The following TSC22D1 variants were observed in gnomAD, a reference collection of about 807,000 sequenced individuals.
TSC22D1 encodes TSC22 domain family member 1.
Under a neutral mutation model 74.2 loss-of-function variants are expected in TSC22D1, and 9 were observed. That is an observed-to-expected ratio of 0.12 (90% CI 0.07 to 0.21). The LOEUF (loss-of-function observed/expected upper bound fraction) is 0.21. Among genes scored for constraint, TSC22D1 ranks in the 10% least tolerant of loss-of-function variants. The pLI is 1.00. For missense variants in TSC22D1, 1,427 were observed against 1,304.7 expected, an observed-to-expected ratio of 1.09 and a Z score of -1.44; for synonymous variants, 586 against 492.5, an observed-to-expected ratio of 1.19 and a Z score of -2.51.
intron 1 of TSC22D1, among the ~76,000 whole-genome samples, chr13:44,494,839 G>A (rs1366800857): frequency 6.6e-6 from 1 of 152,110 alleles, no homozygotes; most frequent in East Asian, 1.9e-4. Flanking sequence ...GAGCTTAAAG[G>A]AAACATGGAC....
chr13:44,540,971 C>T (rs538861209), intron 1 of TSC22D1, among the ~76,000 whole-genome samples: 24 of 152,266 alleles, frequency 1.6e-4, no homozygotes, highest in African/African-American at 5.5e-4. Context: ...CCTTGTTCTA[C>T]GGAGTACAGT....
At position 44,479,442 on chromosome 13, in the gene TSC22D1, C is replaced by T. The variant is rs190953391; in HGVS notation, c.2913-43347G>A. Among the ~76,000 whole-genome samples the T allele has an allele frequency of 1.6e-4, 25 of 151,962 alleles. No individual in the cohort carries two copies. The East Asian group carries it at 4.3e-3, about 26-fold the overall frequency. Reference sequence around the variant, plus strand: ...GAAACCAAAAGATTGGACACCCCTACTCTAAACAGTTCAAAAAGCTCTCAT... The same window carrying T: ...GAAACCAAAAGATTGGACACCCCTATTCTAAACAGTTCAAAAAGCTCTCAT... On this transcript the variant is annotated intron_variant, in intron 1 of 2. Transcript: ENST00000458659.
chr13:44,491,368 A>G (rs1217825934), intron 1 of TSC22D1, among the ~76,000 whole-genome samples: 1 of 152,130 alleles, frequency 6.6e-6, no homozygotes. Context: ...CCTGGCTAAC[A>G]TGGTGAAACC....
At chr13:44,541,306 A>C (rs1881453793) in intron 1 of TSC22D1, among the ~76,000 whole-genome samples, 1 of 152,242 alleles carries the variant, frequency 6.6e-6, no homozygotes, top group African/African-American at 2.4e-5. Context: ...AAGTAATTTT[A>C]AAAGCTTAAA....
intron 1 of TSC22D1, among the ~76,000 whole-genome samples, chr13:44,478,013 T>G (rs1878003697): frequency 6.6e-6 from 1 of 152,054 alleles, no homozygotes; most frequent in Non-Finnish European, 1.5e-5. Flanking sequence ...GTATTAACAC[T>G]ATTTTAAAGT....
At chr13:44,512,687 T>G (rs962086888) in intron 1 of TSC22D1, among the ~76,000 whole-genome samples, 8 of 152,112 alleles carry the variant, frequency 5.3e-5, no homozygotes, top group African/African-American at 1.9e-4. Flanking sequence ...AGATGGAGTC[T>G]TGCTCTGTCA....
rs75820603 is a variant in TSC22D1 at position 44,541,227 on chromosome 13, C to A, written c.2912+31936G>T. Among the ~76,000 whole-genome samples, 557 of 152,280 alleles carry A rather than the reference C, an allele frequency of 3.7e-3. 2 individuals carry two copies. The highest frequency in any genetic ancestry group is 0.013 in the African/African-American group (545 of 41,556). On this transcript the variant is annotated intron_variant, in intron 1 of 2. Transcript: ENST00000458659. ...TGCCTTCACTTCCTCCTGGCTCTGC[C>A]AGCCAGTTTGGAAATGTACCAAAAG...
chr13:44,548,251 G>A (rs1299649213), intron 1 of TSC22D1, among the ~76,000 whole-genome samples: 6 of 152,112 alleles, frequency 3.9e-5, no homozygotes, highest in Admixed American at 6.5e-5. Flanking sequence ...GCGCGGTGGC[G>A]CATGCCTGTA....
intron 1 of TSC22D1, among the ~76,000 whole-genome samples, chr13:44,570,239 G>A (rs1883667735): frequency 6.7e-6 from 1 of 149,506 alleles, no homozygotes; most frequent in South Asian, 2.1e-4. Flanking sequence ...CACCCAGGCT[G>A]GAGTGCAGTG....
chr13:44,520,631 T>A (rs1362216725), intron 1 of TSC22D1, among the ~76,000 whole-genome samples: 6 of 152,152 alleles, frequency 3.9e-5, no homozygotes, highest in East Asian at 1.9e-4. Context: ...AGTAATTTTT[T>A]AAAAATCTTA....
intron 1 of TSC22D1, among the ~76,000 whole-genome samples, chr13:44,466,796 T>A (rs546936841): frequency 3.3e-5 from 5 of 151,026 alleles, no homozygotes; most frequent in African/African-American, 1.2e-4. Flanking sequence ...GAAAACAATA[T>A]ATAGATTCCT....
At chr13:44,472,295 A>T (rs918319957) in intron 1 of TSC22D1, among the ~76,000 whole-genome samples, 2 of 152,206 alleles carry the variant, frequency 1.3e-5, no homozygotes, top group African/African-American at 4.8e-5. Flanking sequence ...TTTTTCTGTT[A>T]TACAGCATCC....
chr13:44,554,431 A>T (rs1882487798), intron 1 of TSC22D1, among the ~76,000 whole-genome samples: 1 of 152,056 alleles, frequency 6.6e-6, no homozygotes, highest in South Asian at 2.1e-4. Flanking sequence ...CACAATATAA[A>T]CTTATTTGGA....
intron 1 of TSC22D1, among the ~76,000 whole-genome samples, chr13:44,557,733 T>C (rs1882769784): frequency 6.6e-6 from 1 of 152,198 alleles, no homozygotes; most frequent in Non-Finnish European, 1.5e-5. Flanking sequence ...AAAAGTATTT[T>C]AATAGAATTT....
At chr13:44,522,411 T>A (rs549233413) in intron 1 of TSC22D1, among the ~76,000 whole-genome samples, 4 of 152,216 alleles carry the variant, frequency 2.6e-5, no homozygotes, top group Non-Finnish European at 5.9e-5. Context: ...ACAAATCATA[T>A]TCTGTGAATA....
In TSC22D1 at chr13:44,558,989, T is replaced by G. The variant is rs545296507; in HGVS notation, c.2912+14174A>C. On this transcript the variant is annotated intron_variant, in intron 1 of 2. Transcript: ENST00000458659. ...ATAACCAATTGTACAAATGTATAAA[T>G]CCTGCTATCCATTATTTCAGAGAAT... Among the ~76,000 whole-genome samples, 4 of 152,314 alleles carry G rather than the reference T, an allele frequency of 2.6e-5. No homozygotes were observed. The South Asian group carries it at 8.3e-4, about 32-fold the overall frequency.
chr13:44,553,404 G>T (rs1417388532), intron 1 of TSC22D1, among the ~76,000 whole-genome samples: 2 of 151,018 alleles, frequency 1.3e-5, no homozygotes, highest in African/African-American at 4.9e-5. Context: ...AAACTTTATA[G>T]ATTTCAAAAT....
rs1874378901 is a variant in TSC22D1 at position 44,434,674 on chromosome 13, TGTGGTGCCCTGTGGCTGG to T, written c.3156_3173del (p.Gln1055_Pro1060del). ...GCGATGCTGGCTGGGCGGGGGGCTGTGTGGTGCCCTGTGGCTGGGTGGTGGCAGGGGGGGAGCCAGTCT... is the reference window on the plus strand; with the variant it reads ...GCGATGCTGGCTGGGCGGGGGGCTGTGTGGTGGCAGGGGGGGAGCCAGTCT... On this transcript the variant is annotated inframe_deletion, in exon 3 of 3. Coordinates refer to ENST00000458659, the MANE Select transcript of TSC22D1 (RefSeq NM_183422.4). 6.2e-7 allele frequency: 1 copy of T among 1,604,962 alleles called. No homozygotes were observed. The highest frequency in any genetic ancestry group is 1.3e-5 in the African/African-American group (1 of 74,706).
intron 1 of TSC22D1, among the ~76,000 whole-genome samples, chr13:44,519,832 G>T (rs770272459): frequency 1.3e-5 from 2 of 152,062 alleles, no homozygotes; most frequent in African/African-American, 4.8e-5. Context: ...ATATGGCTGA[G>T]ATATTTCAGC....
Sources: allele counts gnomAD v4.1 joint callset (sites outside exome capture counted in the v4.1 genomes callset), GRCh38; gene constraint gnomAD v4.1.1; transcripts MANE v1.5; gene names NCBI Gene and HGNC (gene_info 2026-07-23, HGNC 2026-07-21).